Variants in NEDD4L observed in about 807,000 individuals in gnomAD.
NEDD4L encodes the protein NEDD4 like E3 ubiquitin protein ligase.
A neutral mutation model predicts 148.9 loss-of-function variants in NEDD4L; 54 were observed. That is an observed-to-expected ratio of 0.36 (90% CI 0.29 to 0.45). The LOEUF (loss-of-function observed/expected upper bound fraction) is 0.45, where lower values mean the gene tolerates loss of function less well. NEDD4L is among the 20% of genes least tolerant of loss of function. NEDD4L has a pLI of 1.00. For missense variants in NEDD4L, 856 were observed against 1,233.8 expected, an observed-to-expected ratio of 0.69 and a Z score of 4.59; for synonymous variants, 433 against 440.7, an observed-to-expected ratio of 0.98 and a Z score of 0.22.
chr18:58,341,206 A>G (rs376892783), intron 14 of NEDD4L, 37 bp downstream of exon 14: 8 of 1,604,878 alleles, frequency 5.0e-6, no homozygotes, highest in African/African-American at 1.3e-5. Context: ...ACCGCAGGCC[A>G]TAGAAGCCGA....
At chr18:58,204,489 A>C (rs753471395) in intron 2 of NEDD4L, among the ~76,000 whole-genome samples, 1 of 152,226 alleles carries the variant, frequency 6.6e-6, no homozygotes, top group East Asian at 1.9e-4. Flanking sequence ...TACATAAAGG[A>C]GTAAAGTAAG....
At chr18:58,246,651 C>T (rs552633078) in intron 3 of NEDD4L, among the ~76,000 whole-genome samples, 39 of 152,006 alleles carry the variant, frequency 2.6e-4, no homozygotes, top group African/African-American at 6.8e-4. Flanking sequence ...TTTTAGTAGA[C>T]GTGGGATTTT....
Position 58,256,794 on chromosome 18 carries a change from A to G in NEDD4L, c.297+4740A>G. 8.1e-7 allele frequency: 1 copy of G among 1,231,580 alleles called. No homozygotes were observed. The highest frequency in any genetic ancestry group is 1.0e-6 in the Non-Finnish European group (1 of 987,764). The allele number at this position is 1,231,580 out of a possible 1,614,324, so 76.3% of individuals were successfully genotyped here. On this transcript the variant is annotated intron_variant, in intron 5 of 30. Coordinates refer to ENST00000400345, the MANE Select transcript of NEDD4L (RefSeq NM_001144967.3). This position sits in a 1 kb window ranked among gnomAD's most constrained non-coding sequence, Gnocchi z 5.2. ...ACCACGGTAAGTTCACAGCGTGTTTACATGTGTTTACTGATTTCAACTTCG... is the reference window on the plus strand; with the variant it reads ...ACCACGGTAAGTTCACAGCGTGTTTGCATGTGTTTACTGATTTCAACTTCG...
intron 1 of NEDD4L, among the ~76,000 whole-genome samples, chr18:58,132,736 T>G (rs1338199143): frequency 6.6e-6 from 1 of 152,252 alleles, no homozygotes. Flanking sequence ...GACTTTGAAC[T>G]GAGCATTCCG....
rs191847896 is a variant in NEDD4L, at chr18:58,092,287, G to A, written c.48+47579G>A. 3.0e-3 allele frequency among the ~76,000 whole-genome samples: 453 copies of A among 152,320 alleles called. 1 individual carries two copies. The highest frequency in any genetic ancestry group is 4.9e-3 in the Non-Finnish European group (334 of 68,026). ...CGTCTTGCTCTGTTTCCCATTTTAC[G>A]TATAAGATGGGTGATGGCATGCTGC... is the stretch of plus-strand genomic sequence containing the variant. On this transcript the variant is annotated intron_variant, in intron 1 of 30. Transcript: ENST00000400345.
At chr18:58,045,000 T>G in intron 1 of NEDD4L, 1 of 419,998 alleles carries the variant, frequency 2.4e-6, no homozygotes, top group South Asian at 7.3e-5. Flanking sequence ...CATGCGTGCC[T>G]CTCTTCCCTC....
intron 16 of NEDD4L, among the ~76,000 whole-genome samples, chr18:58,346,077 A>G (rs1254923212): frequency 6.6e-6 from 1 of 152,026 alleles, no homozygotes; most frequent in Non-Finnish European, 1.5e-5. Context: ...CTTCATTCAA[A>G]GAAAGAAAGA....
At position 58,341,692 on chromosome 18, in the gene NEDD4L, T is replaced by C; in HGVS notation, c.1272T>C (p.Gly424=). ...CTCCAAAATAGCTTGCAGAAGATGG[T>C]GCGTCCGGATCAGCCACAAACAGTA... is the stretch of plus-strand genomic sequence containing the variant. ...TRPIMQLAED[G]ASGSATNSNN... is the part of the protein sequence containing the mutation. The change falls in exon 15 of 31, where the codon GGT becomes GGC. Residue 424 remains glycine (G), a synonymous_variant. Transcript: ENST00000400345. 6.2e-7 allele frequency: 1 copy of C among 1,613,364 alleles called. No homozygotes were observed.
At chr18:58,083,379 G>A (rs1474173079) in intron 1 of NEDD4L, among the ~76,000 whole-genome samples, 1 of 152,038 alleles carries the variant, frequency 6.6e-6, no homozygotes, top group Non-Finnish European at 1.5e-5. Context: ...AAATTTAGGT[G>A]GGCTCAAAAA....
intron 13 of NEDD4L, among the ~76,000 whole-genome samples, chr18:58,339,832 C>T (rs963426994): frequency 6.6e-6 from 1 of 152,132 alleles, no homozygotes; most frequent in Non-Finnish European, 1.5e-5. Flanking sequence ...TCCAGGTGAC[C>T]ACCTTCACCA....
chr18:58,136,710 T>C (rs534052059), intron 1 of NEDD4L, among the ~76,000 whole-genome samples: 4 of 152,286 alleles, frequency 2.6e-5, no homozygotes, highest in African/African-American at 9.6e-5. Context: ...AGTCAGGCAC[T>C]GAGATCTTGG....
At position 58,195,605 on chromosome 18, in the gene NEDD4L, G is replaced by A. The variant is rs766668743; in HGVS notation, c.122+29744G>A. 19 of 1,344,522 alleles carry A rather than the reference G, an allele frequency of 1.4e-5. No individual in the cohort carries two copies. The East Asian group carries it at 3.7e-4, about 26-fold the overall frequency. 83.3% of individuals were successfully genotyped at this position (1,344,522 alleles called of 1,614,324 possible). On this transcript the variant is annotated intron_variant, in intron 2 of 30. Transcript: ENST00000400345. ...ACTCCAGGCTGTTGGTTACCTGGCC[G>A]GGAGCTGGCGGAGACCAGGATTTCT...
At chr18:58,239,657 A>T (rs1020935021) in intron 2 of NEDD4L, among the ~76,000 whole-genome samples, 12 of 152,244 alleles carry the variant, frequency 7.9e-5, no homozygotes, top group African/African-American at 2.9e-4. Context: ...ATTGGTCAGG[A>T]CGACTGTCCC....
In NEDD4L at chr18:58,188,556, T is replaced by C. The variant is rs111955476; in HGVS notation, c.122+22695T>C. Among the ~76,000 whole-genome samples, 780 of 152,352 alleles carry C rather than the reference T, an allele frequency of 5.1e-3. 3 individuals are homozygous for C. The highest frequency in any genetic ancestry group is 0.017 in the African/African-American group (717 of 41,578). ...TGGGGCTCCTAATTCTGTCCTGGCCTGTATTCCAGTGTGCCGTGGGGCACG... is the reference window on the plus strand; with the variant it reads ...TGGGGCTCCTAATTCTGTCCTGGCCCGTATTCCAGTGTGCCGTGGGGCACG... On this transcript the variant is annotated intron_variant, in intron 2 of 30. Transcript: ENST00000400345.
At chr18:58,045,855 T>C (rs1199764359) in intron 1 of NEDD4L, 1 of 152,296 alleles carries the variant, frequency 6.6e-6, no homozygotes, top group Non-Finnish European at 1.5e-5. Context: ...GTTCTCGATT[T>C]CTCTTTCTTC....
chr18:58,322,515 G>A, intron 7 of NEDD4L, 29 bp downstream of exon 7: 1 of 678,328 alleles, frequency 1.5e-6, no homozygotes, highest in South Asian at 1.4e-5. Context: ...GGTGGGTGGG[G>A]ATGCCTGCCC....
intron 2 of NEDD4L, among the ~76,000 whole-genome samples, chr18:58,176,123 A>ACATAAGCTT (rs112303090): frequency 0.08 from 12,124 of 152,168 alleles, 1,585 homozygotes; most frequent in African/African-American, 0.27. Flanking sequence ...AAACATTTCC[A>ACATAAGCTT]CATAAGCTTT....
At chr18:58,359,228 A>C (rs932829834) in intron 19 of NEDD4L, among the ~76,000 whole-genome samples, 8 of 152,014 alleles carry the variant, frequency 5.3e-5, no homozygotes. Context: ...GCTGTTTAGC[A>C]TATCTTTTCT....
At chr18:58,107,527 G>T (rs2085137804) in intron 1 of NEDD4L, among the ~76,000 whole-genome samples, 1 of 152,132 alleles carries the variant, frequency 6.6e-6, no homozygotes, top group African/African-American at 2.4e-5. Context: ...AGACCAGTCT[G>T]GGTAACATGG....
Sources: gnomAD v4.1 joint callset for allele counts (sites outside exome capture counted in the v4.1 genomes callset) on GRCh38, gnomAD v4.1.1 for gene constraint, Gnocchi (gnomAD v3.1) non-coding constraint, MANE v1.5 for transcripts, NCBI Gene and HGNC (gene_info 2026-07-23, HGNC 2026-07-21) for gene names.